SCAF4: variants seen among roughly 807,000 people sequenced by gnomAD.
The protein encoded by SCAF4 is SR-related CTD associated factor 4, also known as SR-related and CTD-associated factor 4.
A neutral mutation model predicts 129.8 loss-of-function variants in SCAF4; 25 were observed. That is an observed-to-expected ratio of 0.19 (90% CI 0.14 to 0.27). The LOEUF is 0.27. Among genes scored for constraint, SCAF4 ranks in the 10% least tolerant of loss-of-function variants. The pLI is 1.00. For missense variants in SCAF4, 1,246 were observed against 1,457.1 expected, an observed-to-expected ratio of 0.86 and a Z score of 2.36; for synonymous variants, 551 against 497.7, an observed-to-expected ratio of 1.11 and a Z score of -1.43.
At chr21:31,729,961 C>A (rs1372212020) in intron 1 of SCAF4, among the ~76,000 whole-genome samples, 4 of 152,194 alleles carry the variant, frequency 2.6e-5, no homozygotes, top group Non-Finnish European at 5.9e-5. Context: ...TACTTCTGAT[C>A]TTAAGAATAA....
intron 19 of SCAF4, among the ~76,000 whole-genome samples, chr21:31,675,168 G>A (rs2049820706): frequency 6.6e-6 from 1 of 152,184 alleles, no homozygotes; most frequent in Admixed American, 6.5e-5. Flanking sequence ...GAAGAAAGGA[G>A]AAAATACAGA....
intron 15 of SCAF4, among the ~76,000 whole-genome samples, chr21:31,690,569 A>C (rs1217415738): frequency 6.6e-6 from 1 of 152,232 alleles, no homozygotes; most frequent in Non-Finnish European, 1.5e-5. Context: ...GTTCTACTTA[A>C]TTCTGTAATT....
rs1054636147 is a variant in SCAF4, at chr21:31,696,660, G to T, written c.868C>A (p.Pro290Thr). The T allele has an allele frequency of 5.6e-6, 9 of 1,613,888 alleles. No homozygotes were observed. Among genetic ancestry groups the T allele is most frequent in the Admixed American group, 1.7e-5 (1 of 60,000 alleles). ...EDTTAVTTTAPAAAVPPAPTA... is the reference protein window; with the variant it reads ...EDTTAVTTTATAAAVPPAPTA... ...GGTGCAGGGGGTACTGCGGCAGCAG[G>T]TGCTGTCGTGGTGACGGCAGTGGTA... is the stretch of plus-strand genomic sequence containing the variant. Residue 290 changes from proline (P) to threonine (T), a missense_variant, in exon 8 of 20, where the codon CCT (proline) becomes ACT (threonine). By Grantham distance (38) the Pro-to-Thr change is conservative. Around this residue, in one of 6 missense-constraint regions of SCAF4, gnomAD observed 236 missense variants for 210.0 expected, o/e 1.12. Transcript: ENST00000286835.
At position 31,671,506 on chromosome 21, in the gene SCAF4, C is replaced by A. The variant is rs770664833; in HGVS notation, c.3337G>T (p.Val1113Leu). Residue 1113 changes from valine to leucine, a missense_variant, in exon 20 of 20, where the codon GTG becomes TTG. Transcript: ENST00000286835. ...GGCTTTAGGACTGCAGCCTCAGACA[C>A]CCCCTTCTCAAGTTCTGAAGCAGTG... The part of the protein sequence containing the change: ...VDTASELEKG[V>L]SEAAVLKPSE... 1.9e-6 allele frequency: 3 copies of A among 1,614,166 alleles called. No individual in the cohort carries two copies. The highest frequency in any genetic ancestry group is 2.5e-6 in the Non-Finnish European group (3 of 1,180,018).
intron 19 of SCAF4, chr21:31,684,794 T>C: frequency 2.0e-6 from 1 of 488,564 alleles, no homozygotes; most frequent in South Asian, 2.4e-5. Flanking sequence ...AGATCCAAAC[T>C]TTTATTCAAG....
At chr21:31,731,286 C>G (rs545744210) in intron 1 of SCAF4, among the ~76,000 whole-genome samples, 1 of 152,346 alleles carries the variant, frequency 6.6e-6, no homozygotes, top group African/African-American at 2.4e-5. Flanking sequence ...CTTTCTTAGC[C>G]CTTTGCGGGC....
intron 19 of SCAF4, among the ~76,000 whole-genome samples, chr21:31,674,822 A>G (rs1471409927): frequency 1.3e-5 from 2 of 152,214 alleles, no homozygotes; most frequent in Non-Finnish European, 1.5e-5. Context: ...CATATTATGT[A>G]TTAAATATCT....
At position 31,701,015 on chromosome 21, in the gene SCAF4, G is replaced by C. The variant is rs1249775112; in HGVS notation, c.757C>G (p.Gln253Glu). The C allele has an allele frequency of 1.2e-6, 2 of 1,614,110 alleles. No individual in the cohort carries two copies. The highest frequency in any genetic ancestry group is 3.3e-5 in the Admixed American group (2 of 60,018). Residue 253 changes from glutamine (Q) to glutamate (E), a missense_variant, in exon 7 of 20, where the codon CAG becomes GAG. By Grantham distance (29) the Gln-to-Glu change is conservative (BLOSUM62 2). Around this residue, in one of 6 missense-constraint regions of SCAF4, gnomAD observed 143 missense variants for 161.0 expected, o/e 0.89. Transcript: ENST00000286835. ...EQKAAFPPPE[Q>E]KTAFDKKLLD... Reference sequence around the variant, plus strand: ...TATACCTTGTCAAATGCAGTTTTCTGTTCAGGTGGGGGGAAAGCAGCTTTT... The same window carrying C: ...TATACCTTGTCAAATGCAGTTTTCTCTTCAGGTGGGGGGAAAGCAGCTTTT...
At chr21:31,704,511 T>G (rs1417438244) in intron 3 of SCAF4, among the ~76,000 whole-genome samples, 2 of 151,684 alleles carry the variant, frequency 1.3e-5, no homozygotes, top group East Asian at 3.9e-4. Context: ...AATCCACCAA[T>G]TCTACATCTA....
Position 31,694,910 on chromosome 21 carries a change from G to A in SCAF4, c.1139C>T (p.Ala380Val), listed in dbSNP as rs745382620. 8.1e-6 allele frequency: 13 copies of A among 1,613,912 alleles called. No homozygotes were observed. Among genetic ancestry groups the A allele is most frequent in the Non-Finnish European group, 8.5e-6 (10 of 1,179,876 alleles). ...LLPTPPFPPM[A>V]QPVIPPTPPV... ...TGGAGTTGGAGGAATCACAGGCTGAGCCATGGGAGGAAATGGAGGTGTAGG... is the reference window on the plus strand; with the variant it reads ...TGGAGTTGGAGGAATCACAGGCTGAACCATGGGAGGAAATGGAGGTGTAGG... The change falls in exon 10 of 20, where the codon GCT (alanine) becomes GTT (valine). Residue 380 changes from alanine (A) to valine (V), a missense_variant. Ala to Val is a moderately conservative substitution (Grantham distance 64). Transcript: ENST00000286835.
chr21:31,674,569 A>T (rs1158121706), intron 19 of SCAF4, among the ~76,000 whole-genome samples: 2 of 152,222 alleles, frequency 1.3e-5, no homozygotes, highest in Admixed American at 1.3e-4. Context: ...TTTTGCAGTG[A>T]ACATGTAATG....
chr21:31,727,844 CT>C (rs1487218681), intron 1 of SCAF4, among the ~76,000 whole-genome samples: 3 of 151,940 alleles, frequency 2.0e-5, no homozygotes, highest in Non-Finnish European at 2.9e-5. Context: ...TTAGCAAATT[CT>C]TCACATTCAG....
chr21:31,719,735 C>T (rs1034010542), intron 1 of SCAF4, among the ~76,000 whole-genome samples: 3 of 152,124 alleles, frequency 2.0e-5, no homozygotes, highest in African/African-American at 7.2e-5. Flanking sequence ...AACTCCTGAC[C>T]TCAGGTGATC....
chr21:31,730,323 A>G (rs2051317461), intron 1 of SCAF4, among the ~76,000 whole-genome samples: 1 of 152,228 alleles, frequency 6.6e-6, no homozygotes, highest in Admixed American at 6.5e-5. Context: ...TTTGAAAATC[A>G]TCACAACTGA....
At chr21:31,692,808 T>A (rs1341735486) in intron 12 of SCAF4, among the ~76,000 whole-genome samples, 1 of 152,222 alleles carries the variant, frequency 6.6e-6, no homozygotes, top group Non-Finnish European at 1.5e-5. Context: ...ACCAACCAGC[T>A]CAGTGCTTTG....
At position 31,731,701 on chromosome 21, in the gene SCAF4, T is replaced by C; in HGVS notation, c.-9A>G. On this transcript the variant is annotated 5_prime_UTR_variant, in exon 1 of 20. Transcript: ENST00000286835. ...GCGTTGACGGCGTCCATGTTCGCGC[T>C]GCGGCGGCGGCTGCTCCGGGCCCGC... 1 of 1,581,194 alleles carries C rather than the reference T, an allele frequency of 6.3e-7. No individual in the cohort carries two copies. Among genetic ancestry groups the C allele is most frequent in the Non-Finnish European group, 8.5e-7 (1 of 1,169,754 alleles).
intron 1 of SCAF4, among the ~76,000 whole-genome samples, chr21:31,709,854 TA>T (rs560133020): frequency 0.12 from 16,366 of 135,366 alleles, 1,122 homozygotes; most frequent in African/African-American, 0.22. Flanking sequence ...AGATGATACT[TA>T]AAAAAAAAAA....
chr21:31,676,697 A>C (rs1002848353), intron 19 of SCAF4, among the ~76,000 whole-genome samples: 2 of 152,198 alleles, frequency 1.3e-5, no homozygotes, highest in Non-Finnish European at 2.9e-5. Context: ...AATTTCAGTA[A>C]GGTAAAATTC....
At chr21:31,724,121 G>A (rs1278551114) in intron 1 of SCAF4, among the ~76,000 whole-genome samples, 1 of 152,080 alleles carries the variant, frequency 6.6e-6, no homozygotes, top group South Asian at 2.1e-4. Context: ...ATCAATAAAC[G>A]ATGCAAATAT....
Sources: gnomAD v4.1 joint callset for allele counts (sites outside exome capture counted in the v4.1 genomes callset) on GRCh38, gnomAD v4.1.1 for gene constraint, gnomAD v4.1.1 regional missense constraint, MANE v1.5 for transcripts, NCBI Gene and HGNC (gene_info 2026-07-23, HGNC 2026-07-21) for gene names.